MAP2K6: variants seen among roughly 807,000 people sequenced by gnomAD.
The protein encoded by MAP2K6 is mitogen-activated protein kinase kinase 6.
Under a neutral mutation model 53.7 loss-of-function variants are expected in MAP2K6, and 16 were observed. The observed-to-expected ratio is 0.30, with a 90% CI of 0.20 to 0.45. The LOEUF is 0.45. Ranked by LOEUF, MAP2K6 falls within the 20% of genes least tolerant of loss-of-function variation. The probability of loss-of-function intolerance (pLI) is 1.00; values close to 1 mark genes in which losing one functional copy is unlikely to be tolerated. For synonymous variants in MAP2K6, 132 were observed against 143.1 expected (o/e 0.92, Z 0.55); for missense variants, 204 against 411.9 (o/e 0.50, Z 4.37).
At chr17:69,501,019 T>G (rs1909150345) in intron 1 of MAP2K6, among the ~76,000 whole-genome samples, 1 of 152,204 alleles carries the variant, frequency 6.6e-6, no homozygotes, top group Non-Finnish European at 1.5e-5. Flanking sequence ...TGAATGATAC[T>G]TCACTGCTGG....
At chr17:69,425,182 G>A (rs921268661) in intron 1 of MAP2K6, among the ~76,000 whole-genome samples, 7 of 152,148 alleles carry the variant, frequency 4.6e-5, no homozygotes, top group Admixed American at 1.3e-4. Context: ...TTGAAATGAT[G>A]AATGAACCCA....
intron 10 of MAP2K6, among the ~76,000 whole-genome samples, chr17:69,533,052 C>T (rs943589394): frequency 6.6e-6 from 1 of 152,140 alleles, no homozygotes; most frequent in Non-Finnish European, 1.5e-5. Context: ...CCTCAGCCTC[C>T]CTAGTAACTG....
At chr17:69,495,175 C>T (rs1411562143) in intron 1 of MAP2K6, among the ~76,000 whole-genome samples, 3 of 148,398 alleles carry the variant, frequency 2.0e-5, no homozygotes, top group South Asian at 4.2e-4. Context: ...ACAGAATTTT[C>T]TGTGATTCTG....
At chr17:69,444,361 G>T (rs1906907673) in intron 1 of MAP2K6, among the ~76,000 whole-genome samples, 1 of 152,124 alleles carries the variant, frequency 6.6e-6, no homozygotes, top group Non-Finnish European at 1.5e-5. Context: ...CTGGGTCAAT[G>T]AGTTTTTTGT....
chr17:69,425,423 C>T (rs1181967431), intron 1 of MAP2K6, among the ~76,000 whole-genome samples: 1 of 152,088 alleles, frequency 6.6e-6, no homozygotes, highest in African/African-American at 2.4e-5. Context: ...AGTGATTCTC[C>T]TGCCTCAGCC....
chr17:69,526,056 GCCTGCCCAGAAAGCA>G (rs1182141505), intron 9 of MAP2K6, among the ~76,000 whole-genome samples: 1 of 152,118 alleles, frequency 6.6e-6, no homozygotes, highest in East Asian at 1.9e-4. Flanking sequence ...TATTTCTCCT[GCCTGCCCAGAAAGCA>G]CATGATCCTG....
Position 69,414,945 on chromosome 17 carries a change from G to A in MAP2K6, c.-40G>A, listed in dbSNP as rs1905852016. 5.2e-6 allele frequency: 8 copies of A among 1,531,262 alleles called. No individual in the cohort carries two copies. Among genetic ancestry groups the A allele is most frequent in the Non-Finnish European group, 7.2e-6 (8 of 1,105,580 alleles). The allele number at this position is 1,531,262 out of a possible 1,614,324, so 94.9% of individuals were successfully genotyped here. A position where few individuals can be genotyped will look rare whatever the true frequency, so the allele number is the denominator to read the frequency against. On this transcript the variant is annotated 5_prime_UTR_variant, in exon 1 of 12. Coordinates refer to ENST00000590474, the MANE Select transcript of MAP2K6 (RefSeq NM_002758.4). ...AGCTACAGAAGAGAAGCAAGGCAAA[G>A]TCTTTTGTGCTCCCCTCCCCCATCA...
intron 10 of MAP2K6, among the ~76,000 whole-genome samples, chr17:69,530,320 G>T (rs1911013925): frequency 6.6e-6 from 1 of 151,302 alleles, no homozygotes; most frequent in Non-Finnish European, 1.5e-5. Flanking sequence ...GCCAAAATAA[G>T]ATAAAATTAA....
At chr17:69,517,446 C>T (rs1199738330) in intron 3 of MAP2K6, 54 bp from the exon 4 acceptor site, 2 of 972,734 alleles carry the variant, frequency 2.1e-6, no homozygotes, top group Non-Finnish European at 3.1e-6. Flanking sequence ...AATGTGCTCT[C>T]TGTTCTGTTT....
At chr17:69,432,905 A>G (rs1431197965) in intron 1 of MAP2K6, among the ~76,000 whole-genome samples, 1 of 152,060 alleles carries the variant, frequency 6.6e-6, no homozygotes, top group Non-Finnish European at 1.5e-5. Flanking sequence ...GACCATATAC[A>G]CTATGATTTG....
At chr17:69,496,425 C>T (rs1342825130) in intron 1 of MAP2K6, among the ~76,000 whole-genome samples, 1 of 151,968 alleles carries the variant, frequency 6.6e-6, no homozygotes, top group Admixed American at 6.6e-5. Context: ...GCGTGTGCCC[C>T]ACACCCGGCT....
chr17:69,497,246 C>A (rs575541418), intron 1 of MAP2K6, among the ~76,000 whole-genome samples: 1 of 152,310 alleles, frequency 6.6e-6, no homozygotes, highest in Non-Finnish European at 1.5e-5. Context: ...TTCACTTAAT[C>A]AGCATAGGAA....
intron 1 of MAP2K6, chr17:69,434,156 A>C (rs977284514): frequency 6.6e-6 from 1 of 152,138 alleles, no homozygotes; most frequent in East Asian, 1.9e-4. Context: ...AAAGATACCA[A>C]CCTTTACAGA....
At chr17:69,463,401 GTA>G (rs900917346) in intron 1 of MAP2K6, among the ~76,000 whole-genome samples, 11 of 146,862 alleles carry the variant, frequency 7.5e-5, no homozygotes, top group Middle Eastern at 3.5e-3. Context: ...ATAATTATAT[GTA>G]TATATATCAC....
intron 10 of MAP2K6, among the ~76,000 whole-genome samples, chr17:69,527,057 A>C (rs1910813142): frequency 1.3e-5 from 2 of 152,222 alleles, no homozygotes; most frequent in Non-Finnish European, 2.9e-5. Flanking sequence ...AATTTTCCAG[A>C]CAAAAGGGAA....
intron 2 of MAP2K6, among the ~76,000 whole-genome samples, chr17:69,512,357 TG>T (rs1367079260): frequency 7.3e-6 from 1 of 137,394 alleles, no homozygotes; most frequent in Non-Finnish European, 1.6e-5. Context: ...TTTTTTTTTT[TG>T]AGACAGAGTC....
At chr17:69,459,889 C>G (rs765117142) in intron 1 of MAP2K6, among the ~76,000 whole-genome samples, 1 of 150,090 alleles carries the variant, frequency 6.7e-6, no homozygotes. Context: ...TTCCCTTTCT[C>G]CCTCCCTTTC....
chr17:69,496,717 A>T (rs570433280), intron 1 of MAP2K6, among the ~76,000 whole-genome samples: 26 of 150,268 alleles, frequency 1.7e-4, no homozygotes, highest in Middle Eastern at 6.9e-3. Flanking sequence ...GCAACTTTCT[A>T]CCTCTCTGTT....
Position 69,447,126 on chromosome 17 carries a change from C to T in MAP2K6, c.16+32126C>T, listed in dbSNP as rs369297052. Among the ~76,000 whole-genome samples the T allele has an allele frequency of 6.6e-5, 10 of 151,762 alleles. No individual in the cohort carries two copies. In the East Asian group the frequency reaches 9.7e-4, roughly 15 times the overall value. ...CCTAGTAGCTGGGATTACAGGCATG[C>T]GTCACCACGCCTGGCTAATTTTTTG... is the stretch of plus-strand genomic sequence containing the variant. On this transcript the variant is annotated intron_variant, in intron 1 of 11. Transcript: ENST00000590474.
Sources: allele counts gnomAD v4.1 joint callset (sites outside exome capture counted in the v4.1 genomes callset), GRCh38; gene constraint gnomAD v4.1.1; transcripts MANE v1.5; gene names NCBI Gene and HGNC (gene_info 2026-07-23, HGNC 2026-07-21).